CDH10: variants seen among roughly 807,000 people sequenced by gnomAD.
The protein encoded by CDH10 is cadherin 10.
Under a neutral mutation model 73.1 loss-of-function variants are expected in CDH10, and 30 were observed. That is an observed-to-expected ratio of 0.41 (90% CI 0.31 to 0.56). The LOEUF (loss-of-function observed/expected upper bound fraction) is 0.56. Among genes scored for constraint, CDH10 ranks in the 20% least tolerant of loss-of-function variants. The probability of loss-of-function intolerance (pLI) is 0.27; values close to 1 mark genes in which losing one functional copy is unlikely to be tolerated. For synonymous variants in CDH10, 345 were observed against 348.2 expected, an observed-to-expected ratio of 0.99 and a Z score of 0.10; for missense variants, 815 against 973.7, an observed-to-expected ratio of 0.84 and a Z score of 2.17.
chr5:24,596,129 C>A (rs1746361183), intron 1 of CDH10, among the ~76,000 whole-genome samples: 1 of 151,870 alleles, frequency 6.6e-6, no homozygotes. Flanking sequence ...TGAAACAAAT[C>A]TAACATTTAA....
chr5:24,565,104 G>A (rs189469600), intron 2 of CDH10, among the ~76,000 whole-genome samples: 4 of 152,254 alleles, frequency 2.6e-5, no homozygotes, highest in Admixed American at 1.3e-4. Flanking sequence ...CTATGCAATA[G>A]GGTCCTTTTC....
At chr5:24,623,031 A>G (rs948443970) in intron 1 of CDH10, among the ~76,000 whole-genome samples, 8 of 152,162 alleles carry the variant, frequency 5.3e-5, no homozygotes, top group African/African-American at 1.9e-4. Flanking sequence ...TTGTTCTTAT[A>G]ATGCCAATTG....
At chr5:24,547,422 T>A (rs1285660302) in intron 2 of CDH10, among the ~76,000 whole-genome samples, 1 of 152,156 alleles carries the variant, frequency 6.6e-6, no homozygotes, top group Non-Finnish European at 1.5e-5. Context: ...CCGAGGGAAT[T>A]TGCCAATTCT....
rs2111764818 is a variant in CDH10, at chr5:24,511,400, T to C, written c.929A>G (p.Asp310Gly). ...KNAEVEYRII[D>G]GDGTDMFDIV... is the part of the protein sequence containing the mutation. ...GTCAAACATATCAGTACCGTCACCA[T>C]CAATAATTCGGTATTCTACTTCAGC... Residue 310 changes from aspartate to glycine, a missense_variant, in exon 6 of 12, where the codon GAT (aspartate) becomes GGT (glycine). By Grantham distance (94) the Asp-to-Gly change is moderately conservative. Transcript: ENST00000264463. 2.5e-6 allele frequency: 4 copies of C among 1,612,128 alleles called. No homozygotes were observed. Among genetic ancestry groups the C allele is most frequent in the Non-Finnish European group, 3.4e-6 (4 of 1,178,172 alleles).
chr5:24,504,525 T>TTTTTTAAGATGGAATC (rs1742619284), intron 8 of CDH10, among the ~76,000 whole-genome samples: 3 of 127,210 alleles, frequency 2.4e-5, no homozygotes, highest in Non-Finnish European at 5.1e-5. Flanking sequence ...TTTTTTTTTT[T>TTTTTTAAGATGGAATC]TTTTTTTTTT....
chr5:24,497,786 A>G (rs1306472409), intron 9 of CDH10, among the ~76,000 whole-genome samples: 6 of 152,194 alleles, frequency 3.9e-5, no homozygotes, highest in African/African-American at 4.8e-5. Context: ...GAGCTTTTCA[A>G]TCAACAAAAT....
chr5:24,627,371 T>C (rs1020284196), intron 1 of CDH10, among the ~76,000 whole-genome samples: 1 of 152,098 alleles, frequency 6.6e-6, no homozygotes, highest in Non-Finnish European at 1.5e-5. Context: ...AGGGCAATTT[T>C]CTCTCATTGA....
chr5:24,564,748 A>G (rs1225827821), intron 2 of CDH10, among the ~76,000 whole-genome samples: 3 of 152,210 alleles, frequency 2.0e-5, no homozygotes, highest in Non-Finnish European at 4.4e-5. Flanking sequence ...TACTTGTTAC[A>G]ATGATCCTAT....
intron 2 of CDH10, chr5:24,578,616 G>A (rs1745682654): frequency 6.1e-6 from 1 of 164,476 alleles, no homozygotes; most frequent in South Asian, 1.6e-4. Flanking sequence ...TAAAAATGAG[G>A]TTTACTAAAA....
chr5:24,587,731 TATAA>T (rs35943213), intron 2 of CDH10, among the ~76,000 whole-genome samples: 59,728 of 151,702 alleles, frequency 0.39, 14,345 homozygotes, highest in East Asian at 0.61. Context: ...AAATTATAGA[TATAA>T]ATGTTTTATT....
At chr5:24,581,174 C>T (rs1745784347) in intron 2 of CDH10, among the ~76,000 whole-genome samples, 1 of 152,158 alleles carries the variant, frequency 6.6e-6, no homozygotes, top group African/African-American at 2.4e-5. Flanking sequence ...TCTTTTCCAA[C>T]CTCTTCTCCT....
chr5:24,584,723 C>T (rs919245987), intron 2 of CDH10, among the ~76,000 whole-genome samples: 1 of 151,844 alleles, frequency 6.6e-6, no homozygotes, highest in Non-Finnish European at 1.5e-5. Flanking sequence ...CCCGCCTTGG[C>T]CTCCCGAAGT....
At chr5:24,642,457 AT>A (rs1250702598) in intron 1 of CDH10, among the ~76,000 whole-genome samples, 5 of 152,072 alleles carry the variant, frequency 3.3e-5, no homozygotes, top group Non-Finnish European at 7.4e-5. Context: ...CAAGTAGTCT[AT>A]TTTTCAACAA....
At position 24,554,119 on chromosome 5, in the gene CDH10, G is replaced by GGAGAGAGAGAGAGAGAGAGAGAGAGAGA. The variant is rs71605680; in HGVS notation, c.232-16446_232-16445insTCTCTCTCTCTCTCTCTCTCTCTCTCTC. ...AGAGAAGGGGAGGTGGGCGGGGGGG[G>GGAGAGAGAGAGAGAGAGAGAGAGAGAGA]GAGAGAGAGAGACATTCAATCAGCC... On this transcript the variant is annotated intron_variant, in intron 2 of 11. Transcript: ENST00000264463. The GGAGAGAGAGAGAGAGAGAGAGAGAGAGA allele has an allele frequency of 5.0e-5, 2 of 39,778 alleles. 1 individual carries two copies. Among genetic ancestry groups the GGAGAGAGAGAGAGAGAGAGAGAGAGAGA allele is most frequent in the East Asian group, 2.7e-3 (2 of 750 alleles). 2.5% of individuals were successfully genotyped at this position (39,778 alleles called of 1,614,324 possible).
chr5:24,529,863 G>A (rs188183549), intron 5 of CDH10, among the ~76,000 whole-genome samples: 2 of 151,922 alleles, frequency 1.3e-5, no homozygotes, highest in African/African-American at 4.8e-5. Context: ...GTCAGTGAGT[G>A]TACAGAAGCA....
intron 1 of CDH10, among the ~76,000 whole-genome samples, chr5:24,619,895 T>A (rs1018218115): frequency 5.3e-5 from 8 of 152,170 alleles, no homozygotes; most frequent in African/African-American, 1.9e-4. Context: ...CTCCTTCATC[T>A]TGGAGTTTCC....
At chr5:24,534,452 G>A (rs1258671573) in intron 5 of CDH10, among the ~76,000 whole-genome samples, 1 of 151,996 alleles carries the variant, frequency 6.6e-6, no homozygotes, top group Non-Finnish European at 1.5e-5. Flanking sequence ...ATTTGTACAA[G>A]AAAGAAGAAT....
chr5:24,558,697 C>T (rs12653166), intron 2 of CDH10, among the ~76,000 whole-genome samples: 2 of 150,964 alleles, frequency 1.3e-5, no homozygotes, highest in African/African-American at 2.4e-5. Flanking sequence ...AAAGAGAAAA[C>T]GAAACAGAGA....
chr5:24,621,041 A>G (rs921675793), intron 1 of CDH10, among the ~76,000 whole-genome samples: 2 of 152,214 alleles, frequency 1.3e-5, no homozygotes, highest in African/African-American at 4.8e-5. Flanking sequence ...ATCTGCCAGC[A>G]TGCAGCAAAT....
Sources: gnomAD v4.1 joint callset for allele counts (sites outside exome capture counted in the v4.1 genomes callset) on GRCh38, gnomAD v4.1.1 for gene constraint, MANE v1.5 for transcripts, NCBI Gene and HGNC (gene_info 2026-07-23, HGNC 2026-07-21) for gene names.